The following PRCP variants were observed in gnomAD, a reference collection of about 807,000 sequenced individuals.
PRCP encodes the protein lysosomal Pro-X carboxypeptidase.
PRCP carries 46 observed loss-of-function variants against 54.2 expected under a neutral mutation model. The observed-to-expected ratio is 0.85, with a 90% CI of 0.67 to 1.09. The LOEUF is 1.09. PRCP is among the 50% of genes least tolerant of loss of function. The pLI, the probability that PRCP is intolerant of heterozygous loss-of-function variation, is 0.00. For missense variants in PRCP, 613 were observed against 596.8 expected, an observed-to-expected ratio of 1.03 and a Z score of -0.28; for synonymous variants, 240 against 212.2, an observed-to-expected ratio of 1.13 and a Z score of -1.14.
intron 3 of PRCP, among the ~76,000 whole-genome samples, chr11:82,851,781 T>C (rs1178795326): frequency 6.6e-6 from 1 of 152,096 alleles, no homozygotes; most frequent in Non-Finnish European, 1.5e-5. Flanking sequence ...TCATCTGGCA[T>C]ATTACTGAAT....
chr11:82,889,193 CT>C (rs71463133), intron 1 of PRCP, among the ~76,000 whole-genome samples: 2 of 144,712 alleles, frequency 1.4e-5, no homozygotes, highest in African/African-American at 5.0e-5. Flanking sequence ...GACCCCATTT[CT>C]TTTTTTTAAA....
chr11:82,891,758 C>T (rs1192613582), intron 1 of PRCP, among the ~76,000 whole-genome samples: 2 of 152,084 alleles, frequency 1.3e-5, no homozygotes, highest in African/African-American at 4.8e-5. Context: ...CCCAGTGCCT[C>T]GAATATAGTA....
chr11:82,833,865 T>G (rs762483017), intron 8 of PRCP, among the ~76,000 whole-genome samples: 1 of 152,192 alleles, frequency 6.6e-6, no homozygotes. Context: ...TTGAAAGTCC[T>G]TTCTTACACT....
intron 6 of PRCP, among the ~76,000 whole-genome samples, chr11:82,848,488 G>C (rs1858864973): frequency 6.6e-6 from 1 of 152,210 alleles, no homozygotes; most frequent in African/African-American, 2.4e-5. Flanking sequence ...AGATCACACA[G>C]TTGGTAAGTG....
chr11:82,874,414 G>A (rs575251615), intron 1 of PRCP, among the ~76,000 whole-genome samples: 1 of 152,256 alleles, frequency 6.6e-6, no homozygotes, highest in Non-Finnish European at 1.5e-5. Context: ...GTTTTACCTG[G>A]GTGCGGTGGC....
intron 1 of PRCP, among the ~76,000 whole-genome samples, chr11:82,877,280 C>T (rs7107795): frequency 0.11 from 17,196 of 152,170 alleles, 1,708 homozygotes; most frequent in African/African-American, 0.27. Context: ...TGTAGCCTGA[C>T]GATGCAGTAG....
intron 2 of PRCP, chr11:82,858,501 C>T (rs1859141185): frequency 6.6e-6 from 1 of 152,224 alleles, no homozygotes; most frequent in Non-Finnish European, 1.5e-5. Context: ...TTCTTCAGAA[C>T]TGTTCCTACA....
intron 8 of PRCP, chr11:82,826,820 T>C (rs1044422999): frequency 6.6e-6 from 1 of 152,182 alleles, no homozygotes; most frequent in Non-Finnish European, 1.5e-5. Context: ...TATTTTTGAG[T>C]GAGAGCTCAC....
At chr11:82,871,235 C>T (rs1859476396) in intron 1 of PRCP, among the ~76,000 whole-genome samples, 1 of 137,988 alleles carries the variant, frequency 7.2e-6, no homozygotes, top group Non-Finnish European at 1.5e-5. Flanking sequence ...GGCTGGAGTG[C>T]AGTGGCATGA....
At chr11:82,868,020 A>T (rs1859383343) in intron 1 of PRCP, among the ~76,000 whole-genome samples, 1 of 152,182 alleles carries the variant, frequency 6.6e-6, no homozygotes, top group African/African-American at 2.4e-5. Context: ...TAAATATATT[A>T]TATGTTCACA....
chr11:82,882,505 T>TG (rs1477430683), intron 1 of PRCP, among the ~76,000 whole-genome samples: 2 of 145,974 alleles, frequency 1.4e-5, no homozygotes, highest in Non-Finnish European at 3.0e-5. Flanking sequence ...TTTTTTTTTT[T>TG]TTTTTTTTGA....
intron 1 of PRCP, among the ~76,000 whole-genome samples, chr11:82,877,232 C>T (rs908568113): frequency 6.6e-6 from 1 of 152,160 alleles, no homozygotes; most frequent in African/African-American, 2.4e-5. Context: ...AAAAGCATTC[C>T]ATTTTAAAAG....
intron 8 of PRCP, chr11:82,836,739 G>C (rs1798028253): frequency 4.4e-6 from 1 of 229,722 alleles, no homozygotes; most frequent in African/African-American, 2.4e-5. Context: ...GTAGAGATGG[G>C]GTTTCACCAT....
At chr11:82,857,455 T>A (rs566353368) in intron 2 of PRCP, among the ~76,000 whole-genome samples, 2 of 152,188 alleles carry the variant, frequency 1.3e-5, no homozygotes, top group South Asian at 4.1e-4. Flanking sequence ...CAGAGCACCA[T>A]CATCAAGAGC....
intron 8 of PRCP, chr11:82,835,977 G>T (rs1858515386): frequency 2.9e-5 from 8 of 280,626 alleles, no homozygotes; most frequent in South Asian, 2.5e-4. Flanking sequence ...TGGATCACAA[G>T]GTCAGGAAAT....
intron 8 of PRCP, among the ~76,000 whole-genome samples, chr11:82,834,740 G>A (rs1169708231): frequency 6.6e-6 from 1 of 152,172 alleles, no homozygotes; most frequent in Admixed American, 6.5e-5. Context: ...CACACACTGG[G>A]GCCTGTCAGT....
rs781686528 is a variant in PRCP, at chr11:82,850,420, G to T, written c.497C>A (p.Pro166Gln). Residue 166 changes from proline to glutamine, a missense_variant, in exon 4 of 9, where the codon CCA (proline) becomes CAA (glutamine). Physicochemically the swap from Pro to Gln is moderately conservative, Grantham distance 76. Transcript: ENST00000313010. The stretch of plus-strand genomic sequence containing the variant: ...AATGACAGGTTGATTTTCAGCTCCT[G>T]GGATTGTTCTTTTCAAGTGTTTGAT... Reference protein sequence around the residue: ...ELIKHLKRTIPGAENQPVIAI... With the variant: ...ELIKHLKRTIQGAENQPVIAI... 1.2e-6 allele frequency: 2 copies of T among 1,607,462 alleles called. No homozygotes were observed. Among genetic ancestry groups the T allele is most frequent in the Non-Finnish European group, 1.7e-6 (2 of 1,176,410 alleles).
intron 1 of PRCP, among the ~76,000 whole-genome samples, chr11:82,868,594 A>AT (rs11302088): frequency 5.3e-5 from 8 of 151,178 alleles, no homozygotes; most frequent in African/African-American, 9.7e-5. Flanking sequence ...ACAGAGAAGA[A>AT]TTTTTTTTTT....
chr11:82,868,275 A>G (rs1859389255), intron 1 of PRCP, among the ~76,000 whole-genome samples: 1 of 152,236 alleles, frequency 6.6e-6, no homozygotes. Context: ...TTATATTTCT[A>G]TTTCACTATA....
Sources: allele counts gnomAD v4.1 joint callset (sites outside exome capture counted in the v4.1 genomes callset), GRCh38; gene constraint gnomAD v4.1.1; transcripts MANE v1.5; gene names NCBI Gene and HGNC (gene_info 2026-07-23, HGNC 2026-07-21).